Variants in CCBE1 observed in about 807,000 individuals in gnomAD.
The protein encoded by CCBE1 is collagen and calcium-binding EGF domain-containing protein 1.
In CCBE1, 37 loss-of-function variants were observed where a neutral mutation model predicts 50.0. The ratio of observed to expected loss-of-function variants is 0.74; its 90% CI spans 0.57 to 0.97. The LOEUF (loss-of-function observed/expected upper bound fraction) is 0.97, where lower values mean the gene tolerates loss of function less well. Ranked by LOEUF, CCBE1 falls within the 50% of genes least tolerant of loss-of-function variation. CCBE1 has a pLI of 0.00. For synonymous variants in CCBE1, 234 were observed against 203.7 expected, an observed-to-expected ratio of 1.15 and a Z score of -1.27; for missense variants, 538 against 523.8, an observed-to-expected ratio of 1.03 and a Z score of -0.26.
intron 2 of CCBE1, among the ~76,000 whole-genome samples, chr18:59,555,571 A>G (rs1348688773): frequency 6.6e-6 from 1 of 152,244 alleles, no homozygotes; most frequent in Non-Finnish European, 1.5e-5. Flanking sequence ...GAGATATTAT[A>G]CAGTGGAAGT....
At chr18:59,550,646 T>C (rs1465208276) in intron 2 of CCBE1, among the ~76,000 whole-genome samples, 1 of 152,104 alleles carries the variant, frequency 6.6e-6, no homozygotes, top group Admixed American at 6.5e-5. Flanking sequence ...CATTAGCAGC[T>C]CAAGAATCCT....
At chr18:59,583,287 A>G (rs2053113907) in intron 2 of CCBE1, among the ~76,000 whole-genome samples, 1 of 152,168 alleles carries the variant, frequency 6.6e-6, no homozygotes, top group South Asian at 2.1e-4. Context: ...AAACAAAAAA[A>G]CCCAGAACAC....
At chr18:59,460,426 G>T (rs183133300) in intron 5 of CCBE1, among the ~76,000 whole-genome samples, 5 of 152,210 alleles carry the variant, frequency 3.3e-5, no homozygotes, top group Non-Finnish European at 7.3e-5. Context: ...TGACCATAAC[G>T]AAATATTGAG....
In CCBE1 at chr18:59,623,612, T is replaced by C. The variant is rs190132634; in HGVS notation, c.212+73017A>G. 3.7e-3 allele frequency among the ~76,000 whole-genome samples: 561 copies of C among 152,308 alleles called. 3 individuals are homozygous for C. The highest frequency in any genetic ancestry group is 7.8e-3 in the Admixed American group (120 of 15,298). ...AATAATCAATGGCCGTGAGTTTCTT[T>C]CAAACTCTCACAAGTCTTATCCTGT... On this transcript the variant is annotated intron_variant, in intron 2 of 10. Transcript: ENST00000439986.
At chr18:59,614,489 G>A (rs778815980) in intron 2 of CCBE1, among the ~76,000 whole-genome samples, 10 of 152,132 alleles carry the variant, frequency 6.6e-5, no homozygotes, top group Non-Finnish European at 1.5e-4. Flanking sequence ...TTGCCTTCCC[G>A]AGCTACTTTT....
rs542215136 is a variant in CCBE1, at chr18:59,615,035, C to T, written c.212+81594G>A. On this transcript the variant is annotated intron_variant, in intron 2 of 10. Transcript: ENST00000439986. ...CACTTAATACATCCAATGACAAATG[C>T]CTGACAACTATGTGTCCACTTTTCT... 2.0e-5 allele frequency among the ~76,000 whole-genome samples: 3 copies of T among 152,300 alleles called. No individual in the cohort carries two copies. In the East Asian group the frequency reaches 5.8e-4, roughly 29 times the overall value.
At chr18:59,546,457 G>T (rs1407647514) in intron 2 of CCBE1, among the ~76,000 whole-genome samples, 3 of 152,170 alleles carry the variant, frequency 2.0e-5, no homozygotes, top group Admixed American at 1.3e-4. Context: ...TGTACAGTGG[G>T]GTTTTTATCT....
chr18:59,556,175 T>C (rs72964853), intron 2 of CCBE1, among the ~76,000 whole-genome samples: 25 of 152,342 alleles, frequency 1.6e-4, no homozygotes, highest in Middle Eastern at 6.8e-3. Flanking sequence ...ACCTACCTGC[T>C]GTGGCATTGT....
chr18:59,503,297 C>T (rs67816322), intron 2 of CCBE1, among the ~76,000 whole-genome samples: 3,315 of 152,324 alleles, frequency 0.022, 145 homozygotes, highest in East Asian at 0.21. Context: ...CTACCATTTA[C>T]GTAGTGCATG....
chr18:59,445,226 G>T (rs1910618187), intron 7 of CCBE1, among the ~76,000 whole-genome samples: 1 of 152,132 alleles, frequency 6.6e-6, no homozygotes, highest in Non-Finnish European at 1.5e-5. Flanking sequence ...GATGGTGTAA[G>T]GTAAGGGTCC....
At chr18:59,574,917 T>C (rs74422513) in intron 2 of CCBE1, among the ~76,000 whole-genome samples, 19 of 152,300 alleles carry the variant, frequency 1.2e-4, no homozygotes, top group African/African-American at 4.3e-4. Flanking sequence ...GTAGGGTTGT[T>C]GCAGATGTAA....
intron 2 of CCBE1, among the ~76,000 whole-genome samples, chr18:59,683,571 G>C (rs192228555): frequency 1.3e-5 from 2 of 152,106 alleles, no homozygotes; most frequent in African/African-American, 4.8e-5. Flanking sequence ...GGTGGCGCAC[G>C]CCTGTAATCC....
chr18:59,466,668 C>G (rs1219751944), intron 5 of CCBE1, 71 bp downstream of exon 5: 5 of 1,003,238 alleles, frequency 5.0e-6, no homozygotes, highest in Non-Finnish European at 1.4e-6. Flanking sequence ...ATATATAAAC[C>G]CCCAAACTGG....
At chr18:59,438,644 A>C (rs1910268188) in intron 9 of CCBE1, among the ~76,000 whole-genome samples, 1 of 152,222 alleles carries the variant, frequency 6.6e-6, no homozygotes, top group Non-Finnish European at 1.5e-5. Context: ...TAAAATTTAC[A>C]GGGGTCACTT....
Position 59,654,728 on chromosome 18 carries a change from G to A in CCBE1, c.212+41901C>T, listed in dbSNP as rs915245630. 2.1e-5 allele frequency among the ~76,000 whole-genome samples: 3 copies of A among 146,044 alleles called. No homozygotes were observed. The Admixed American group carries it at 2.1e-4, about 10-fold the overall frequency. On this transcript the variant is annotated intron_variant, in intron 2 of 10. Transcript: ENST00000439986. ...AATTGCTTGAACCCAGGAGGTGGAA[G>A]TTGCAGTGAGCCAAGATCGTGCCAC...
At chr18:59,501,171 T>G (rs908191194) in intron 2 of CCBE1, among the ~76,000 whole-genome samples, 5 of 152,240 alleles carry the variant, frequency 3.3e-5, no homozygotes, top group Admixed American at 2.6e-4. Flanking sequence ...GGTGATGCCA[T>G]CCTTAGCAGA....
intron 2 of CCBE1, among the ~76,000 whole-genome samples, chr18:59,680,292 G>A (rs2054569779): frequency 1.3e-5 from 2 of 152,122 alleles, no homozygotes; most frequent in Non-Finnish European, 1.5e-5. Context: ...GAGCAGAGGG[G>A]TGACTTTGAA....
intron 2 of CCBE1, among the ~76,000 whole-genome samples, chr18:59,550,166 C>G (rs774923719): frequency 1.3e-4 from 20 of 152,100 alleles, no homozygotes; most frequent in Non-Finnish European, 2.5e-4. Flanking sequence ...CCAGCAAAAC[C>G]ACCACAAGCT....
At chr18:59,576,517 GTTTA>G (rs971209877) in intron 2 of CCBE1, among the ~76,000 whole-genome samples, 1 of 152,192 alleles carries the variant, frequency 6.6e-6, no homozygotes, top group Non-Finnish European at 1.5e-5. Flanking sequence ...AAACCTAGGT[GTTTA>G]TGACTGGGGC....
Sources: allele counts gnomAD v4.1 joint callset (sites outside exome capture counted in the v4.1 genomes callset), GRCh38; gene constraint gnomAD v4.1.1; transcripts MANE v1.5; gene names NCBI Gene and HGNC (gene_info 2026-07-23, HGNC 2026-07-21).